The following MEI4 variants were observed in gnomAD, a reference collection of about 807,000 sequenced individuals.
MEI4 encodes the protein meiotic double-stranded break formation protein 4.
A neutral mutation model predicts 31.4 loss-of-function variants in MEI4; 27 were observed. The observed-to-expected ratio is 0.86, with a 90% CI of 0.63 to 1.19. The LOEUF (loss-of-function observed/expected upper bound fraction) is 1.19, where lower values mean the gene tolerates loss of function less well. Among genes scored for constraint, MEI4 ranks in the 50% most tolerant of loss-of-function variants. The pLI, the probability that MEI4 is intolerant of heterozygous loss-of-function variation, is 0.00. For synonymous variants in MEI4, 122 were observed against 145.4 expected (o/e 0.84, Z 1.16); for missense variants, 329 against 398.9 (o/e 0.82, Z 1.49).
In MEI4 at chr6:77,713,117, T is replaced by G. The variant is rs190350313; in HGVS notation, c.232+22214T>G. 1.4e-3 allele frequency among the ~76,000 whole-genome samples: 213 copies of G among 152,286 alleles called. 1 individual carries two copies. The highest frequency in any genetic ancestry group is 4.5e-3 in the African/African-American group (187 of 41,558). On this transcript the variant is annotated intron_variant, in intron 2 of 4. Transcript: ENST00000684080. ...GTCAGAAGAATCTGAATTTGAATAT[T>G]AGCTCTGTCAACATTAGCTAACTTC...
intron 2 of MEI4, among the ~76,000 whole-genome samples, chr6:77,741,724 T>C (rs1334589932): frequency 6.6e-6 from 1 of 150,652 alleles, no homozygotes; most frequent in Non-Finnish European, 1.5e-5. Flanking sequence ...ACCCATTAAC[T>C]CGTCATTTAG....
rs534263243 is a variant in MEI4 at position 77,863,562 on chromosome 6, C to T, written c.900+34500C>T. 5.9e-5 allele frequency among the ~76,000 whole-genome samples: 9 copies of T among 152,212 alleles called. No individual in the cohort carries two copies. The East Asian group carries it at 9.7e-4, about 16-fold the overall frequency. ...AGAAAAAAAGAAATGAACAAAGCCT[C>T]CAAGAAATATGGGACTATGTGAAAA... is the stretch of plus-strand genomic sequence containing the variant. On this transcript the variant is annotated intron_variant, in intron 4 of 4. Transcript: ENST00000684080.
intron 3 of MEI4, among the ~76,000 whole-genome samples, chr6:77,825,914 A>G (rs1398572): frequency 0.033 from 5,009 of 152,280 alleles, 109 homozygotes; most frequent in Middle Eastern, 0.095. Context: ...TTCAGTTACA[A>G]TCTATACTCT....
intron 4 of MEI4, among the ~76,000 whole-genome samples, chr6:77,855,847 T>G (rs991391461): frequency 6.6e-6 from 1 of 152,212 alleles, no homozygotes; most frequent in South Asian, 2.1e-4. Context: ...AATAGTACTC[T>G]ATTAGAATAT....
At chr6:77,896,187 C>T (rs1766080987) in intron 4 of MEI4, among the ~76,000 whole-genome samples, 1 of 152,026 alleles carries the variant, frequency 6.6e-6, no homozygotes, top group African/African-American at 2.4e-5. Context: ...GGAATGCAAG[C>T]TCTATCTATT....
At chr6:77,745,359 A>G (rs1385948333) in intron 2 of MEI4, among the ~76,000 whole-genome samples, 3 of 152,208 alleles carry the variant, frequency 2.0e-5, no homozygotes, top group African/African-American at 7.2e-5. Flanking sequence ...AACAAAGATC[A>G]AAAGACACAA....
chr6:77,749,237 A>G (rs1767700548), intron 2 of MEI4, among the ~76,000 whole-genome samples: 1 of 152,186 alleles, frequency 6.6e-6, no homozygotes, highest in South Asian at 2.1e-4. Flanking sequence ...CAACTCCTCA[A>G]CAGCAAGAGA....
At position 77,792,736 on chromosome 6, in the gene MEI4, G is replaced by A. The variant is rs546681601; in HGVS notation, c.768+31071G>A. Among the ~76,000 whole-genome samples, 786 of 149,740 alleles carry A rather than the reference G, an allele frequency of 5.2e-3. 6 individuals are homozygous for A. The highest frequency in any genetic ancestry group is 0.019 in the African/African-American group (758 of 40,756). On this transcript the variant is annotated intron_variant, in intron 3 of 4. Coordinates refer to ENST00000684080, the MANE Select transcript of MEI4 (RefSeq NM_001322247.2). ...AACACTATTTTTTTTTTTTTTAGAC[G>A]GAGTCTCGCTCTATTGCACAGGCTG...
intron 3 of MEI4, among the ~76,000 whole-genome samples, chr6:77,809,693 T>A (rs1046435806): frequency 3.9e-5 from 6 of 152,204 alleles, no homozygotes; most frequent in Non-Finnish European, 7.3e-5. Context: ...TGACATATTC[T>A]CCAGTAGTCA....
chr6:77,802,700 G>A (rs1394430244), intron 3 of MEI4, among the ~76,000 whole-genome samples: 1 of 152,102 alleles, frequency 6.6e-6, no homozygotes, highest in African/African-American at 2.4e-5. Context: ...TTGCTTATCT[G>A]TAAAGGATTT....
intron 2 of MEI4, among the ~76,000 whole-genome samples, chr6:77,742,840 G>C (rs1378118239): frequency 6.6e-6 from 1 of 151,920 alleles, no homozygotes; most frequent in Non-Finnish European, 1.5e-5. Context: ...TCTACATATG[G>C]CTAGCCAGTT....
At chr6:77,883,721 T>C (rs116266002) in intron 4 of MEI4, among the ~76,000 whole-genome samples, 1 of 130,110 alleles carries the variant, frequency 7.7e-6, no homozygotes, top group Non-Finnish European at 1.6e-5. Context: ...ATGTAAGATA[T>C]ATATATATAT....
In MEI4 at chr6:77,800,595, T is replaced by G. The variant is rs766223011; in HGVS notation, c.769-28336T>G. Among the ~76,000 whole-genome samples the G allele has an allele frequency of 4.6e-5, 7 of 152,318 alleles. 1 individual carries two copies. Among genetic ancestry groups the G allele is most frequent in the Admixed American group, 4.6e-4 (7 of 15,302 alleles). The stretch of plus-strand genomic sequence containing the variant: ...AGTTTTCAAAGGGAATGCTTCCAGT[T>G]TTTGCCCATTCAGTATGATATTGGC... On this transcript the variant is annotated intron_variant, in intron 3 of 4. Coordinates refer to ENST00000684080, the MANE Select transcript of MEI4 (RefSeq NM_001322247.2).
chr6:77,653,105 T>A lies in MEI4; in HGVS notation c.-15+13T>A, dbSNP rs1364147567. 6.6e-6 allele frequency among the ~76,000 whole-genome samples: 1 copy of A among 152,182 alleles called. No homozygotes were observed. Among genetic ancestry groups the A allele is most frequent in the Non-Finnish European group, 1.5e-5 (1 of 68,026 alleles). Reference sequence around the variant, plus strand: ...TCTCTGTTTACTGGTGAGCTGGTTCTCCACTCTTGAGCACTTGAAATGTAT... The same window carrying A: ...TCTCTGTTTACTGGTGAGCTGGTTCACCACTCTTGAGCACTTGAAATGTAT... On this transcript the variant is annotated intron_variant, in intron 1 of 4. Coordinates refer to ENST00000684080, the MANE Select transcript of MEI4 (RefSeq NM_001322247.2).
At chr6:77,823,003 C>A (rs190647356) in intron 3 of MEI4, among the ~76,000 whole-genome samples, 2 of 152,104 alleles carry the variant, frequency 1.3e-5, no homozygotes, top group African/African-American at 4.8e-5. Flanking sequence ...GAGTCACTGG[C>A]ACATAGATGA....
chr6:77,836,675 TAAAGA>T (rs1198843208), intron 4 of MEI4, among the ~76,000 whole-genome samples: 8 of 152,098 alleles, frequency 5.3e-5, no homozygotes, highest in African/African-American at 1.9e-4. Context: ...TTTAATAAGA[TAAAGA>T]AAAGTAATCA....
intron 4 of MEI4, among the ~76,000 whole-genome samples, chr6:77,855,541 G>T (rs957311980): frequency 2.0e-5 from 3 of 152,162 alleles, no homozygotes; most frequent in Non-Finnish European, 4.4e-5. Context: ...AAAGTAAAAA[G>T]ATTTCCATGC....
intron 2 of MEI4, among the ~76,000 whole-genome samples, chr6:77,704,636 T>G (rs1352938890): frequency 6.6e-6 from 1 of 152,170 alleles, no homozygotes; most frequent in Non-Finnish European, 1.5e-5. Context: ...CTCAGCAGTT[T>G]GTGGCTTAAC....
At chr6:77,669,054 C>T (rs147024029) in intron 1 of MEI4, among the ~76,000 whole-genome samples, 1 of 152,160 alleles carries the variant, frequency 6.6e-6, no homozygotes, top group Non-Finnish European at 1.5e-5. Context: ...CATACAGATG[C>T]AACTTCCTAT....
Sources: gnomAD v4.1 joint callset for allele counts (sites outside exome capture counted in the v4.1 genomes callset) on GRCh38, gnomAD v4.1.1 for gene constraint, MANE v1.5 for transcripts, NCBI Gene and HGNC (gene_info 2026-07-23, HGNC 2026-07-21) for gene names.